Variants in ENOX1 observed in about 807,000 individuals in gnomAD.
The protein encoded by ENOX1 is ecto-NOX disulfide-thiol exchanger 1.
A neutral mutation model predicts 82.5 loss-of-function variants in ENOX1; 42 were observed. The observed-to-expected ratio is 0.51, with a 90% CI of 0.40 to 0.66. ENOX1 has a LOEUF of 0.66. Among genes scored for constraint, ENOX1 ranks in the 30% least tolerant of loss-of-function variants. The probability of loss-of-function intolerance (pLI) is 0.00; values close to 1 mark genes in which losing one functional copy is unlikely to be tolerated. For synonymous variants in ENOX1, 271 were observed against 282.2 expected (o/e 0.96, Z 0.40); for missense variants, 608 against 811.6 (o/e 0.75, Z 3.05).
chr13:43,218,797 C>T (rs2041627046), intron 16 of ENOX1, among the ~76,000 whole-genome samples: 1 of 152,120 alleles, frequency 6.6e-6, no homozygotes, highest in South Asian at 2.1e-4. Context: ...GATATTTTAT[C>T]TTTTGGGATT....
intron 2 of ENOX1, among the ~76,000 whole-genome samples, chr13:43,612,771 C>T (rs1341423587): frequency 6.6e-6 from 1 of 152,294 alleles, no homozygotes; most frequent in South Asian, 2.1e-4. Context: ...GCATTATGAT[C>T]TGTGCCTTCC....
intron 2 of ENOX1, among the ~76,000 whole-genome samples, chr13:43,519,442 G>T (rs1468079003): frequency 1.3e-5 from 2 of 152,098 alleles, no homozygotes; most frequent in Admixed American, 1.3e-4. Context: ...AGCCTGGTTG[G>T]CGACTGCTTT....
chr13:43,347,625 A>T (rs9316014), intron 8 of ENOX1, among the ~76,000 whole-genome samples: 40,226 of 152,150 alleles, frequency 0.26, 6,065 homozygotes, highest in Non-Finnish European at 0.35. Context: ...CTGTAAATTC[A>T]ATTTTGTATT....
chr13:43,713,784 T>C (rs1594528944), intron 1 of ENOX1, among the ~76,000 whole-genome samples: 2 of 151,680 alleles, frequency 1.3e-5, no homozygotes, highest in East Asian at 3.9e-4. Flanking sequence ...TTTTATTGCA[T>C]CTATTTGATT....
At chr13:43,328,387 T>G (rs2048235019) in intron 9 of ENOX1, among the ~76,000 whole-genome samples, 1 of 152,196 alleles carries the variant, frequency 6.6e-6, no homozygotes, top group Admixed American at 6.5e-5. Flanking sequence ...GTAATGGGCT[T>G]CGTTGCTTAT....
chr13:43,487,899 A>G (rs1192212866), intron 2 of ENOX1, among the ~76,000 whole-genome samples: 2 of 152,252 alleles, frequency 1.3e-5, no homozygotes, highest in Non-Finnish European at 2.9e-5. Flanking sequence ...GTCTTATTGC[A>G]TTAATGAACA....
chr13:43,535,745 A>C (rs1223912390), intron 2 of ENOX1, among the ~76,000 whole-genome samples: 1 of 152,012 alleles, frequency 6.6e-6, no homozygotes, highest in Non-Finnish European at 1.5e-5. Flanking sequence ...GCATCTTTCA[A>C]GGAAAAAAAA....
At chr13:43,595,406 C>T (rs1362004223) in intron 2 of ENOX1, among the ~76,000 whole-genome samples, 1 of 151,974 alleles carries the variant, frequency 6.6e-6, no homozygotes, top group Non-Finnish European at 1.5e-5. Context: ...TACCAATGAA[C>T]ATTTTATTTC....
At chr13:43,523,059 T>G (rs1432930767) in intron 2 of ENOX1, among the ~76,000 whole-genome samples, 2 of 152,184 alleles carry the variant, frequency 1.3e-5, no homozygotes, top group African/African-American at 4.8e-5. Context: ...GTTTTGTTTC[T>G]TATGTATAAA....
At chr13:43,454,909 G>A (rs935601785) in intron 3 of ENOX1, among the ~76,000 whole-genome samples, 4 of 150,902 alleles carry the variant, frequency 2.7e-5, no homozygotes, top group African/African-American at 9.8e-5. Context: ...CCCTGGAGGA[G>A]CCTCCCGTCC....
At chr13:43,346,384 G>A (rs574116096) in intron 8 of ENOX1, among the ~76,000 whole-genome samples, 36 of 152,272 alleles carry the variant, frequency 2.4e-4, no homozygotes, top group South Asian at 2.1e-4. Context: ...TAGATTTGGG[G>A]ATCAAAGGTT....
chr13:43,324,004 G>A (rs182904133), intron 10 of ENOX1, among the ~76,000 whole-genome samples: 2 of 152,328 alleles, frequency 1.3e-5, no homozygotes, highest in Non-Finnish European at 2.9e-5. Context: ...GGGTGCAGGG[G>A]CACCAATCAC....
chr13:43,691,004 C>T (rs1255956703), intron 1 of ENOX1, among the ~76,000 whole-genome samples: 1 of 152,154 alleles, frequency 6.6e-6, no homozygotes, highest in Non-Finnish European at 1.5e-5. Flanking sequence ...ACAATTTGGA[C>T]ATTTTATCTA....
intron 2 of ENOX1, among the ~76,000 whole-genome samples, chr13:43,534,489 C>A (rs1268812405): frequency 2.6e-5 from 4 of 152,116 alleles, no homozygotes; most frequent in African/African-American, 7.2e-5. Context: ...TGTTCGCTAC[C>A]CCATCCCTTA....
intron 2 of ENOX1, among the ~76,000 whole-genome samples, chr13:43,584,874 C>A (rs1374359635): frequency 1.3e-5 from 2 of 152,200 alleles, no homozygotes. Flanking sequence ...AATCTCCATC[C>A]GCAGGCAAGA....
At chr13:43,433,082 G>A (rs548890662) in intron 3 of ENOX1, among the ~76,000 whole-genome samples, 51 of 152,226 alleles carry the variant, frequency 3.4e-4, no homozygotes, top group Admixed American at 2.1e-3. Flanking sequence ...CAGAATACCC[G>A]AGGCCAAGTA....
At chr13:43,314,230 T>C (rs1293539362) in intron 11 of ENOX1, among the ~76,000 whole-genome samples, 1 of 152,174 alleles carries the variant, frequency 6.6e-6, no homozygotes, top group Non-Finnish European at 1.5e-5. Context: ...AAGAGAAGGG[T>C]CTCTAAGCCA....
rs780000090 is a variant in ENOX1 at position 43,484,141 on chromosome 13, T to C, written c.-207A>G. 47 of 985,390 alleles carry C rather than the reference T, an allele frequency of 4.8e-5. No individual in the cohort carries two copies. Among genetic ancestry groups the C allele is most frequent in the Non-Finnish European group, 5.7e-5 (47 of 829,898 alleles). The allele number at this position is 985,390 out of a possible 1,614,324, so 61.0% of individuals were successfully genotyped here. ...CATGGAAGACAGCATGGTTCTGACATATCAGAGGCTTCTGGAAGCAAAGAA... is the reference window on the plus strand; with the variant it reads ...CATGGAAGACAGCATGGTTCTGACACATCAGAGGCTTCTGGAAGCAAAGAA... On this transcript the variant is annotated 5_prime_UTR_variant, in exon 3 of 17. It adds an upstream start codon to the 5' untranslated region. Coordinates refer to ENST00000690772, the MANE Select transcript of ENOX1 (RefSeq NM_001347969.2).
At chr13:43,343,456 T>G (rs2049183619) in intron 9 of ENOX1, among the ~76,000 whole-genome samples, 2 of 152,248 alleles carry the variant, frequency 1.3e-5, no homozygotes, top group Admixed American at 6.5e-5. Context: ...ACTGGATATT[T>G]GATCACTTAT....
Sources: allele counts gnomAD v4.1 joint callset (sites outside exome capture counted in the v4.1 genomes callset), GRCh38; gene constraint gnomAD v4.1.1; transcripts MANE v1.5; gene names NCBI Gene and HGNC (gene_info 2026-07-23, HGNC 2026-07-21).